NIPAL4: variants seen among roughly 807,000 people sequenced by gnomAD.
NIPAL4 encodes magnesium transporter NIPA4.
Under a neutral mutation model 31.6 loss-of-function variants are expected in NIPAL4, and 21 were observed. That is an observed-to-expected ratio of 0.67 (90% CI 0.47 to 0.96). The LOEUF (loss-of-function observed/expected upper bound fraction) is 0.96. NIPAL4 is among the 40% of genes least tolerant of loss of function. The pLI, the probability that NIPAL4 is intolerant of heterozygous loss-of-function variation, is 0.00. For missense variants in NIPAL4, 438 were observed against 508.0 expected (o/e 0.86, Z 1.32); for synonymous variants, 175 against 211.1 (o/e 0.83, Z 1.48).
intron 2 of NIPAL4, among the ~76,000 whole-genome samples, chr5:157,463,965 G>A (rs531417688): frequency 3.3e-5 from 5 of 152,256 alleles, no homozygotes; most frequent in South Asian, 2.1e-4. Flanking sequence ...CAGTGTCCTC[G>A]TGGAACCTTC....
intron 1 of NIPAL4, 38 bp from the exon 2 acceptor site, chr5:157,463,056 C>A: frequency 6.2e-7 from 1 of 1,610,964 alleles, no homozygotes; most frequent in South Asian, 1.1e-5. Flanking sequence ...GTGCAATTGT[C>A]CCCAGTGTGA....
At chr5:157,466,289 AGAG>A (rs1216676211) in intron 2 of NIPAL4, among the ~76,000 whole-genome samples, 3 of 152,130 alleles carry the variant, frequency 2.0e-5, no homozygotes, top group Admixed American at 6.5e-5. Flanking sequence ...GAGCTAAGAG[AGAG>A]GAGAAGAGTG....
Position 157,471,689 on chromosome 5 carries a change from G to T in NIPAL4, c.458G>T (p.Ser153Ile). The T allele has an allele frequency of 1.2e-6, 2 of 1,608,396 alleles. No homozygotes were observed. Among genetic ancestry groups the T allele is most frequent in the Non-Finnish European group, 1.7e-6 (2 of 1,177,420 alleles). The change falls in exon 5 of 6, where the codon AGT (serine) becomes ATT (isoleucine). Residue 153 changes from serine to isoleucine, a missense_variant. Transcript: ENST00000311946. ...AILSSYFLRESLNLLGKLGCV... is the reference protein window; with the variant it reads ...AILSSYFLREILNLLGKLGCV... ...CTCTCCTCATATTTCCTGAGGGAGA[G>T]TCTGAACCTGCTGGGGAAGCTGGGC...
At position 157,472,565 on chromosome 5, in the gene NIPAL4, T is replaced by C. The variant is rs1486781648; in HGVS notation, c.820T>C (p.Ser274Pro). The change falls in exon 6 of 6, where the codon TCC (serine) becomes CCC (proline). Residue 274 changes from serine (S) to proline (P), a missense_variant. Coordinates refer to ENST00000311946, the MANE Select transcript of NIPAL4 (RefSeq NM_001099287.2). ...PYILSLILAL[S>P]LSTQVNFLNR... is the part of the protein sequence containing the mutation. Reference sequence around the variant, plus strand: ...CATCCTGTCCCTCATCCTGGCACTGTCCCTCAGCACTCAGGTCAACTTCCT... The same window carrying C: ...CATCCTGTCCCTCATCCTGGCACTGCCCCTCAGCACTCAGGTCAACTTCCT... 6.2e-6 allele frequency: 10 copies of C among 1,613,932 alleles called. No homozygotes were observed. The highest frequency in any genetic ancestry group is 8.5e-6 in the Non-Finnish European group (10 of 1,179,878).
intron 3 of NIPAL4, 63 bp downstream of exon 3, chr5:157,467,168 AG>A: frequency 1.8e-6 from 1 of 549,336 alleles, no homozygotes; most frequent in East Asian, 5.1e-5. Flanking sequence ...AGACAAAGGG[AG>A]GGGTGGGTAG....
At chr5:157,466,575 C>T (rs748969048) in intron 2 of NIPAL4, among the ~76,000 whole-genome samples, 2 of 152,144 alleles carry the variant, frequency 1.3e-5, no homozygotes, top group African/African-American at 2.4e-5. Context: ...CAGGTGGCAG[C>T]GGAGTGGACA....
chr5:157,471,573 G>A (rs764233057), intron 4 of NIPAL4, 84 bp from the exon 5 acceptor site: 4 of 1,062,298 alleles, frequency 3.8e-6, no homozygotes, highest in Non-Finnish European at 4.1e-6. Context: ...TGTTCTCTGT[G>A]AGTGCTTGCT....
chr5:157,468,421 A>T (rs2113665344), intron 3 of NIPAL4, among the ~76,000 whole-genome samples: 1 of 152,348 alleles, frequency 6.6e-6, no homozygotes, highest in South Asian at 2.1e-4. Context: ...AGACAAATTT[A>T]ACTGTGCCTG....
rs1754487799 is a variant in NIPAL4, at chr5:157,473,050, G to A, written c.*90G>A. 5 of 1,078,078 alleles carry A rather than the reference G, an allele frequency of 4.6e-6. No homozygotes were observed. The highest frequency in any genetic ancestry group is 3.9e-5 in the South Asian group (2 of 50,966). 66.8% of individuals were successfully genotyped at this position (1,078,078 alleles called of 1,614,324 possible). Reference sequence around the variant, plus strand: ...CACCTGGTTATTTTCCAGTGCAACTGTTACCAATGGGCTCTCTTTTCTTGA... The same window carrying A: ...CACCTGGTTATTTTCCAGTGCAACTATTACCAATGGGCTCTCTTTTCTTGA... On this transcript the variant is annotated 3_prime_UTR_variant, in exon 6 of 6. Transcript: ENST00000311946.
chr5:157,468,597 A>G, intron 3 of NIPAL4, 125 bp from the exon 4 acceptor site: 1 of 693,086 alleles, frequency 1.4e-6, no homozygotes. Context: ...GAGAGAGCGT[A>G]TGGATCAAGA....
In NIPAL4 at chr5:157,471,737, GCA is replaced by G; in HGVS notation, c.509_510del (p.Thr170SerfsTer8). The G allele has an allele frequency of 6.2e-7, 1 of 1,606,744 alleles. No individual in the cohort carries two copies. The highest frequency in any genetic ancestry group is 8.5e-7 in the Non-Finnish European group (1 of 1,176,346). On this transcript the variant is annotated frameshift_variant, in exon 5 of 6. Transcript: ENST00000311946. LOFTEE classifies it high-confidence loss of function. ...GGCTGTGTGATCTGTGTGGCCGGAA[GCA>G]CAGTGATGGTGATACATGCTCCTGA...
chr5:157,463,356 G>A, intron 2 of NIPAL4, 23 bp downstream of exon 2: 3 of 1,589,358 alleles, frequency 1.9e-6, no homozygotes, highest in Middle Eastern at 2.0e-4. Flanking sequence ...GCCAGGAGAG[G>A]ATAGGGCCCA....
rs185168336 is a variant in NIPAL4, at chr5:157,466,448, C to T, written c.278-601C>T. On this transcript the variant is annotated intron_variant, in intron 2 of 5. Transcript: ENST00000311946. ...TAATCTGATTTGCATTCTTAAAAGA[C>T]GACTGGCTGCCATGAAAAGAAAAAT... Among the ~76,000 whole-genome samples, 516 of 152,264 alleles carry T rather than the reference C, an allele frequency of 3.4e-3. 17 individuals carry two copies. The highest frequency in any genetic ancestry group is 0.03 in the Admixed American group (465 of 15,300).
At position 157,460,645 on chromosome 5, in the gene NIPAL4, T is replaced by C. The variant is rs10050868; in HGVS notation, c.37+288T>C. 9.2e-3 allele frequency: 4,216 copies of C among 459,068 alleles called. 165 individuals are homozygous for C. Among genetic ancestry groups the C allele is most frequent in the African/African-American group, 0.08 (3,758 of 47,052 alleles). 28.4% of individuals were successfully genotyped at this position (459,068 alleles called of 1,614,324 possible). ...GGCATTTTGACGACAGCAGACACCC[T>C]GAGAGGTGGTGGGGGCGGGGGGAGG... On this transcript the variant is annotated intron_variant, in intron 1 of 5. Transcript: ENST00000311946.
intron 1 of NIPAL4, among the ~76,000 whole-genome samples, chr5:157,460,842 A>T (rs1312830382): frequency 6.6e-6 from 1 of 152,194 alleles, no homozygotes; most frequent in African/African-American, 2.4e-5. Context: ...TTCTGACCAT[A>T]AAGCAGGTAG....
Position 157,467,096 on chromosome 5 carries a change from T to C in NIPAL4, c.325T>C (p.Phe109Leu), listed in dbSNP as rs1394021045. ...YLKDAMWWAG[F>L]LTMAAGEVAN... The stretch of plus-strand genomic sequence containing the variant: ...GAAAGATGCAATGTGGTGGGCTGGA[T>C]TTCTCACCAGTAAGTGGGTTGTTTG... The change falls in exon 3 of 6, where the codon TTT becomes CTT. Residue 109 changes from phenylalanine to leucine, a missense_variant. Physicochemically the swap from Phe to Leu is conservative, Grantham distance 22. Coordinates refer to ENST00000311946, the MANE Select transcript of NIPAL4 (RefSeq NM_001099287.2). The C allele has an allele frequency of 6.2e-7, 1 of 1,612,150 alleles. No homozygotes were observed. Among genetic ancestry groups the C allele is most frequent in the Admixed American group, 1.7e-5 (1 of 60,002 alleles).
chr5:157,469,080 G>A (rs193259189), intron 4 of NIPAL4, among the ~76,000 whole-genome samples: 2 of 152,306 alleles, frequency 1.3e-5, no homozygotes, highest in Admixed American at 1.3e-4. Context: ...GGTGAACGGC[G>A]CATGTCACTA....
Position 157,463,328 on chromosome 5 carries a change from G to T in NIPAL4, c.272G>T (p.Arg91Leu), listed in dbSNP as rs1442509035. The change falls in exon 2 of 6, where the codon CGA (arginine) becomes CTA (leucine). Residue 91 changes from arginine (R) to leucine (L), a missense_variant. By Grantham distance (102) the Arg-to-Leu change is moderately radical. Coordinates refer to ENST00000311946, the MANE Select transcript of NIPAL4 (RefSeq NM_001099287.2). ...CGACTCGTGGCCACGGGAGCCACTCGAGCTGGTAGGTTCCTGGGCCAGGAG... is the reference window on the plus strand; with the variant it reads ...CGACTCGTGGCCACGGGAGCCACTCTAGCTGGTAGGTTCCTGGGCCAGGAG... Reference protein sequence around the residue: ...LLRLVATGATRAVDGGFGYLK... With the variant: ...LLRLVATGATLAVDGGFGYLK... 1 of 1,607,578 alleles carries T rather than the reference G, an allele frequency of 6.2e-7. No individual in the cohort carries two copies. The highest frequency in any genetic ancestry group is 1.3e-5 in the African/African-American group (1 of 74,818).
intron 1 of NIPAL4, among the ~76,000 whole-genome samples, chr5:157,461,320 C>G (rs532320162): frequency 1.4e-3 from 219 of 152,354 alleles, no homozygotes; most frequent in Non-Finnish European, 2.3e-3. Flanking sequence ...CTTTGGCCAT[C>G]AGCCCTCTGT....
Sources: gnomAD v4.1 joint callset for allele counts (sites outside exome capture counted in the v4.1 genomes callset) on GRCh38, gnomAD v4.1.1 for gene constraint, MANE v1.5 for transcripts, NCBI Gene and HGNC (gene_info 2026-07-23, HGNC 2026-07-21) for gene names.